Variants in LANCL3 observed in about 807,000 individuals in gnomAD.
LANCL3 encodes the protein LanC like family member 3.
A neutral mutation model predicts 26.5 loss-of-function variants in LANCL3; 19 were observed. That is an observed-to-expected ratio of 0.72 (90% CI 0.50 to 1.05). The LOEUF is 1.05. Among genes scored for constraint, LANCL3 ranks in the 50% least tolerant of loss-of-function variants. LANCL3 has a pLI of 0.00. For missense variants in LANCL3, 318 were observed against 362.7 expected (o/e 0.88, Z 1.00); for synonymous variants, 160 against 166.6 (o/e 0.96, Z 0.30).
Position 37,596,719 on chromosome X carries a change from G to A in LANCL3, c.573+24276G>A, listed in dbSNP as rs557035867. 3.6e-5 allele frequency among the ~76,000 whole-genome samples: 4 copies of A among 112,108 alleles called. No homozygotes were observed. In the South Asian group the frequency reaches 1.5e-3, roughly 41 times the overall value. ...ATTTAAAATATCCTACTTGTTATAT[G>A]TTGTGCTTCTTGTAGTTGTGGATTC... On this transcript the variant is annotated intron_variant, in intron 1 of 4. Transcript: ENST00000378619.
At chrX:37,639,088 T>C (rs1302334874) in intron 1 of LANCL3, among the ~76,000 whole-genome samples, 1 of 107,675 alleles carries the variant, frequency 9.3e-6, no homozygotes, top group African/African-American at 3.4e-5. Flanking sequence ...ATAAAGCTGC[T>C]GTACATATTC....
chrX:37,667,299 G>A lies in LANCL3; in HGVS notation c.913G>A (p.Ala305Thr). ...TTTCACAGGAATTGCCTATCTGTTT[G>A]CCAAAGCTTATCTGGTTTCCAAGAA... ...HGAPGIAYLF[A>T]KAYLVSKKPQ... Residue 305 changes from alanine to threonine, a missense_variant, in exon 4 of 5, where the codon GCC becomes ACC. Ala to Thr is a moderately conservative substitution (Grantham distance 58). Transcript: ENST00000378619. 1 of 1,126,146 alleles carries A rather than the reference G, an allele frequency of 8.9e-7. No homozygotes were observed. Among genetic ancestry groups the A allele is most frequent in the Non-Finnish European group, 1.2e-6 (1 of 853,543 alleles). The allele number at this position is 1,126,146 out of a possible 1,213,427, so 92.8% of individuals were successfully genotyped here.
intron 1 of LANCL3, among the ~76,000 whole-genome samples, chrX:37,629,823 C>T (rs1556423811): frequency 1.8e-5 from 2 of 111,593 alleles, no homozygotes; most frequent in African/African-American, 3.3e-5. Flanking sequence ...TGTTTTGGTA[C>T]CAGTACCATG....
At chrX:37,574,419 A>G (rs1422429486) in intron 1 of LANCL3, among the ~76,000 whole-genome samples, 1 of 111,128 alleles carries the variant, frequency 9.0e-6, no homozygotes, top group Admixed American at 9.6e-5. Flanking sequence ...TTCCTCTGGC[A>G]ATTCCCTCAG....
At chrX:37,616,616 T>A (rs1925016708) in intron 1 of LANCL3, among the ~76,000 whole-genome samples, 1 of 112,355 alleles carries the variant, frequency 8.9e-6, no homozygotes, top group East Asian at 2.8e-4. Context: ...ATAAAGATTG[T>A]TGAGCATCAC....
At chrX:37,633,457 T>C (rs1202733602) in intron 1 of LANCL3, among the ~76,000 whole-genome samples, 1 of 112,172 alleles carries the variant, frequency 8.9e-6, no homozygotes, top group African/African-American at 3.2e-5. Context: ...TCCAGCTTTG[T>C]TCCATTGCTG....
chrX:37,606,883 C>A (rs1202414864), intron 1 of LANCL3, among the ~76,000 whole-genome samples: 3 of 112,404 alleles, frequency 2.7e-5, no homozygotes, highest in Non-Finnish European at 5.6e-5. Context: ...AAATTCTTCT[C>A]CCTTAAGAGC....
intron 1 of LANCL3, among the ~76,000 whole-genome samples, chrX:37,606,309 A>T (rs1472347746): frequency 8.9e-6 from 1 of 111,897 alleles, no homozygotes; most frequent in African/African-American, 3.3e-5. Flanking sequence ...CCAGAAGGAA[A>T]TTAGGTGTTC....
chrX:37,668,816 C>T (rs1333567154), intron 4 of LANCL3, among the ~76,000 whole-genome samples: 1 of 111,820 alleles, frequency 8.9e-6, no homozygotes, highest in African/African-American at 3.2e-5. Context: ...TAACAAATCA[C>T]TTATTAAAAT....
chrX:37,644,319 C>T (rs147054770), intron 1 of LANCL3, among the ~76,000 whole-genome samples: 77 of 112,049 alleles, frequency 6.9e-4, no homozygotes, highest in Admixed American at 1.8e-3. Flanking sequence ...TGTGTTTTAG[C>T]AGGATCACTA....
intron 1 of LANCL3, among the ~76,000 whole-genome samples, chrX:37,601,108 A>C (rs782488521): frequency 1.9e-4 from 21 of 111,901 alleles, no homozygotes; most frequent in Non-Finnish European, 3.2e-4. Context: ...AGTTGTCATG[A>C]GTAGCATATT....
rs191670882 is a variant in LANCL3, at chrX:37,599,712, T to G, written c.573+27269T>G. Reference sequence around the variant, plus strand: ...ACAACATACAGTGGCATAATCACTGTAGGCTGCAGAGTATATGTGATCATG... The same window carrying G: ...ACAACATACAGTGGCATAATCACTGGAGGCTGCAGAGTATATGTGATCATG... On this transcript the variant is annotated intron_variant, in intron 1 of 4. Transcript: ENST00000378619. 9.8e-5 allele frequency among the ~76,000 whole-genome samples: 11 copies of G among 112,274 alleles called. No individual in the cohort carries two copies. In the East Asian group the frequency reaches 2.8e-3, roughly 28 times the overall value.
At chrX:37,660,804 C>A (rs1926400274) in intron 3 of LANCL3, among the ~76,000 whole-genome samples, 1 of 110,808 alleles carries the variant, frequency 9.0e-6, no homozygotes, top group South Asian at 3.8e-4. Flanking sequence ...GAATAATAAT[C>A]CTTGAAAGTA....
intron 1 of LANCL3, among the ~76,000 whole-genome samples, chrX:37,587,270 C>A (rs1387075100): frequency 8.9e-6 from 1 of 112,709 alleles, no homozygotes; most frequent in Non-Finnish European, 1.9e-5. Context: ...GGCAGTCTGT[C>A]CGTTCTCAGA....
intron 1 of LANCL3, among the ~76,000 whole-genome samples, chrX:37,633,190 C>G (rs1486374790): frequency 3.7e-5 from 4 of 109,294 alleles, no homozygotes; most frequent in Admixed American, 2.0e-4. Context: ...CTTCCCTTCT[C>G]ACTTCATTTC....
At position 37,655,810 on chromosome X, in the gene LANCL3, G is replaced by A; in HGVS notation, c.696G>A (p.Leu232=). The A allele has an allele frequency of 1.0e-5, 12 of 1,205,753 alleles. No individual in the cohort carries two copies. Among genetic ancestry groups the A allele is most frequent in the African/African-American group, 1.7e-5 (1 of 57,595 alleles). The stretch of plus-strand genomic sequence containing the variant: ...ATTCTTACTATGGAACCGAATACTT[G>A]GGTAAGTGAAGGTGTTTGCATGGGC... ...LMYSYYGTEY[L]GAAHGLSSIL... is the part of the protein sequence containing the mutation. Residue 232 remains leucine, a splice_region_variant and synonymous_variant, in exon 2 of 5, where the codon TTG becomes TTA. Transcript: ENST00000378619.
chrX:37,667,663 T>C (rs1354093396), intron 4 of LANCL3, among the ~76,000 whole-genome samples, 174 bp downstream of exon 4: 1 of 111,981 alleles, frequency 8.9e-6, no homozygotes, highest in Non-Finnish European at 1.9e-5. Flanking sequence ...TTCCCAAAGA[T>C]ATTCTATATA....
At chrX:37,585,079 G>T (rs1556417667) in intron 1 of LANCL3, among the ~76,000 whole-genome samples, 1 of 111,914 alleles carries the variant, frequency 8.9e-6, no homozygotes, top group Non-Finnish European at 1.9e-5. Context: ...GGAGCAGATT[G>T]TTCAGTTTCC....
intron 1 of LANCL3, among the ~76,000 whole-genome samples, chrX:37,631,168 G>C (rs147525152): frequency 1.8e-5 from 2 of 111,597 alleles, no homozygotes; most frequent in Non-Finnish European, 3.8e-5. Context: ...TTTCTTCCTG[G>C]TTTATTGTTG....
Sources: allele counts gnomAD v4.1 joint callset (sites outside exome capture counted in the v4.1 genomes callset), GRCh38; gene constraint gnomAD v4.1.1; transcripts MANE v1.5; gene names NCBI Gene and HGNC (gene_info 2026-07-23, HGNC 2026-07-21).